Variants in CLN6 observed in about 807,000 individuals in gnomAD.
CLN6 encodes the protein CLN6 transmembrane ER protein, also known as ceroid-lipofuscinosis neuronal protein 6.
Under a neutral mutation model 33.3 loss-of-function variants are expected in CLN6, and 22 were observed. The ratio of observed to expected loss-of-function variants is 0.66; its 90% CI spans 0.47 to 0.94. The LOEUF (loss-of-function observed/expected upper bound fraction) is 0.94, where lower values mean the gene tolerates loss of function less well. Among genes scored for constraint, CLN6 ranks in the 40% least tolerant of loss-of-function variants. CLN6 has a pLI of 0.00. For missense variants in CLN6, 387 were observed against 417.1 expected (o/e 0.93, Z 0.63); for synonymous variants, 201 against 174.6 (o/e 1.15, Z -1.19).
At chr15:68,235,587 AATATATATAT>A (rs59823320) in intron 1 of CLN6, among the ~76,000 whole-genome samples, 1 of 95,108 alleles carries the variant, frequency 1.1e-5, no homozygotes, top group African/African-American at 4.6e-5. Flanking sequence ...AATAAAAATA[AATATATATAT>A]ATATATATAT....
chr15:68,218,954 A>C (rs552127732), intron 1 of CLN6, among the ~76,000 whole-genome samples: 1 of 152,326 alleles, frequency 6.6e-6, no homozygotes, highest in African/African-American at 2.4e-5. Flanking sequence ...CAAAGGACGC[A>C]ATCGTGGCTG....
Position 68,256,545 on chromosome 15 carries a change from G to A in CLN6, c.179+145C>T, listed in dbSNP as rs1026749200. ...TGTGTTATAGCACTCCTGTATCACA[G>A]TATTTGTTATTACAATACTCTCTTT... is the stretch of plus-strand genomic sequence containing the variant. On this transcript the variant is annotated intron_variant, in intron 1 of 6. Coordinates refer to the CLN6 transcript ENST00000538696. This position sits in a 1 kb window ranked among gnomAD's most constrained non-coding sequence, Gnocchi z 4.1. The A allele has an allele frequency of 3.9e-6, 2 of 507,512 alleles. No homozygotes were observed. Among genetic ancestry groups the A allele is most frequent in the Non-Finnish European group, 7.0e-6 (2 of 284,292 alleles). 31.4% of individuals were successfully genotyped at this position (507,512 alleles called of 1,614,324 possible).
chr15:68,209,281 T>C lies in CLN6; in HGVS notation c.665+356A>G, dbSNP rs904673903. Among the ~76,000 whole-genome samples, 3 of 151,988 alleles carry C rather than the reference T, an allele frequency of 2.0e-5. No homozygotes were observed. The highest frequency in any genetic ancestry group is 4.4e-5 in the Non-Finnish European group (3 of 67,986). On this transcript the variant is annotated intron_variant, in intron 6 of 6. Transcript: ENST00000249806. This position sits in a 1 kb window ranked among gnomAD's most constrained non-coding sequence, Gnocchi z 4.9. ...TACCATCATCCCCACTTCACAGAGG[T>C]GGAAACCGCAGCCCACTACAGGGCT...
chr15:68,251,469 G>A (rs1892377924), intron 1 of CLN6, among the ~76,000 whole-genome samples: 1 of 152,112 alleles, frequency 6.6e-6, no homozygotes, highest in South Asian at 2.1e-4. Flanking sequence ...GAGCTCAGGA[G>A]GTCGAGACCA....
In CLN6 at chr15:68,208,931, C is replaced by T. The variant is rs182395021; in HGVS notation, c.666-521G>A. ...GCCGGGGAGAGGATCTAGAGCTGGC[C>T]CAGGAAAGGAGGCCCTTTTCATTTT... On this transcript the variant is annotated intron_variant, in intron 6 of 6. Coordinates refer to ENST00000249806, the MANE Select transcript of CLN6 (RefSeq NM_017882.3). This position sits in a 1 kb window ranked among gnomAD's most constrained non-coding sequence, Gnocchi z 5.8. Among the ~76,000 whole-genome samples the T allele has an allele frequency of 3.4e-4, 52 of 152,256 alleles. No individual in the cohort carries two copies. The highest frequency in any genetic ancestry group is 1.8e-3 in the Admixed American group (28 of 15,304).
At position 68,208,107 on chromosome 15, in the gene CLN6, C is replaced by G; in HGVS notation, c.*33G>C. The G allele has an allele frequency of 6.3e-7, 1 of 1,582,000 alleles. No individual in the cohort carries two copies. Among genetic ancestry groups the G allele is most frequent in the Non-Finnish European group, 8.6e-7 (1 of 1,162,226 alleles). ...ATGCCCTCCATGGCCCACCCTCCCA[C>G]CCAGCAGAGCGCCAGAGCCTGGTGC... On this transcript the variant is annotated 3_prime_UTR_variant, in exon 7 of 7. Transcript: ENST00000249806. The surrounding 1 kb of genome is among the most constrained non-coding windows in gnomAD (Gnocchi z 5.8).
chr15:68,221,187 T>C (rs2093234621), intron 1 of CLN6, among the ~76,000 whole-genome samples: 1 of 151,774 alleles, frequency 6.6e-6, no homozygotes, highest in Admixed American at 6.6e-5. Context: ...ACTAGGCTTA[T>C]CAGGAGATCA....
At chr15:68,255,984 C>A (rs1892430854) in intron 1 of CLN6, among the ~76,000 whole-genome samples, 1 of 151,306 alleles carries the variant, frequency 6.6e-6, no homozygotes. Context: ...AGACAGGGTC[C>A]CACTATGTTG....
intron 1 of CLN6, among the ~76,000 whole-genome samples, chr15:68,245,233 G>T (rs55873254): frequency 6.7e-6 from 1 of 149,058 alleles, no homozygotes; most frequent in African/African-American, 2.6e-5. Flanking sequence ...AAGCACCATG[G>T]TAACCATAAT....
In CLN6 at chr15:68,243,712, G is replaced by A. The variant is rs138102889; in HGVS notation, c.179+12978C>T. Among the ~76,000 whole-genome samples, 86 of 145,924 alleles carry A rather than the reference G, an allele frequency of 5.9e-4. 2 individuals are homozygous for A. The East Asian group carries it at 0.012, about 21-fold the overall frequency. ...AGAGGTTGCAGTGAGCCGATATTGC[G>A]CCACTGCACTCCATCCTGGGTGATA... On this transcript the variant is annotated intron_variant, in intron 1 of 6. Transcript: ENST00000538696.
rs1349013582 is a variant in CLN6 at position 68,220,079 on chromosome 15, G to A, written c.84-1429C>T. On this transcript the variant is annotated intron_variant, in intron 1 of 6. Transcript: ENST00000249806. The surrounding 1 kb of genome is among the most constrained non-coding windows in gnomAD (Gnocchi z 4.2). The stretch of plus-strand genomic sequence containing the variant: ...GAGATCCCTTCCTGCCAGTTCCAAG[G>A]ATGATCCATACTGGCTGGTAGAGTA... 6.6e-6 allele frequency among the ~76,000 whole-genome samples: 1 copy of A among 152,190 alleles called. No homozygotes were observed. Among genetic ancestry groups the A allele is most frequent in the African/African-American group, 2.4e-5 (1 of 41,444 alleles).
Position 68,209,111 on chromosome 15 carries a change from G to A in CLN6, c.665+526C>T, listed in dbSNP as rs1331208117. 1.3e-5 allele frequency among the ~76,000 whole-genome samples: 2 copies of A among 152,228 alleles called. No individual in the cohort carries two copies. The highest frequency in any genetic ancestry group is 2.9e-5 in the Non-Finnish European group (2 of 68,044). ...CCTAAGTCCTCTGCAATGGGAAGAA[G>A]AGAGAGCCAGAGGGAACAAAGACCC... On this transcript the variant is annotated intron_variant, in intron 6 of 6. Transcript: ENST00000249806. The surrounding 1 kb of genome is among the most constrained non-coding windows in gnomAD (Gnocchi z 4.9).
chr15:68,232,823 C>T (rs146699082), upstream of CLN6, among the ~76,000 whole-genome samples: 61 of 152,278 alleles, frequency 4.0e-4, no homozygotes, highest in African/African-American at 1.3e-3. The surrounding 1 kb of genome is among the most constrained non-coding windows in gnomAD (Gnocchi z 4.7). Context: ...GGGTGGACCA[C>T]GTGAGGTCAG....
intron 1 of CLN6, among the ~76,000 whole-genome samples, chr15:68,251,534 A>T (rs1180746057): frequency 6.6e-6 from 1 of 151,914 alleles, no homozygotes; most frequent in Non-Finnish European, 1.5e-5. Context: ...AATTAGCTGG[A>T]TATGGTGGTG....
Position 68,214,458 on chromosome 15 carries a change from C to T in CLN6, c.199-70G>A, listed in dbSNP as rs114850355. 1.3e-3 allele frequency: 1,463 copies of T among 1,138,650 alleles called. 6 individuals carry two copies. In the African/African-American group the frequency reaches 0.014, roughly 11 times the overall value. 70.5% of individuals were successfully genotyped at this position (1,138,650 alleles called of 1,614,324 possible). A position where few individuals can be genotyped will look rare whatever the true frequency, so the allele number is the denominator to read the frequency against. On this transcript the variant is annotated intron_variant, in intron 2 of 6. Coordinates refer to ENST00000249806, the MANE Select transcript of CLN6 (RefSeq NM_017882.3). ...CGCGGCCCTCGGGCCTCAAGGGAGTCTGCCCCTAATGCCGCCCACCCCAAC... is the reference window on the plus strand; with the variant it reads ...CGCGGCCCTCGGGCCTCAAGGGAGTTTGCCCCTAATGCCGCCCACCCCAAC...
intron 1 of CLN6, among the ~76,000 whole-genome samples, chr15:68,235,856 G>C (rs1247231570): frequency 5.9e-5 from 9 of 152,078 alleles, no homozygotes; most frequent in Non-Finnish European, 1.2e-4. Context: ...CATGGTTCTA[G>C]ATGATGGGAA....
chr15:68,250,755 G>A (rs1189625956), intron 1 of CLN6, among the ~76,000 whole-genome samples: 9 of 151,860 alleles, frequency 5.9e-5, no homozygotes, highest in Non-Finnish European at 8.8e-5. Flanking sequence ...AAACACTCAC[G>A]TTAGCCTACA....
intron 1 of CLN6, among the ~76,000 whole-genome samples, chr15:68,223,657 C>T (rs999703628): frequency 6.6e-6 from 1 of 152,000 alleles, no homozygotes; most frequent in Non-Finnish European, 1.5e-5. Context: ...ACACTAGAGG[C>T]TCAGTGACTA....
upstream of CLN6, among the ~76,000 whole-genome samples, chr15:68,232,411 T>C (rs922241036): frequency 6.6e-6 from 1 of 152,100 alleles, no homozygotes; most frequent in African/African-American, 2.4e-5. The surrounding 1 kb of genome is among the most constrained non-coding windows in gnomAD (Gnocchi z 4.7). Flanking sequence ...CCCGCCTTAG[T>C]CTCTCAAAGT....
Sources: allele counts gnomAD v4.1 joint callset (sites outside exome capture counted in the v4.1 genomes callset), GRCh38; gene constraint gnomAD v4.1.1; non-coding constraint Gnocchi (gnomAD v3.1); transcripts MANE v1.5; gene names NCBI Gene and HGNC (gene_info 2026-07-23, HGNC 2026-07-21).